The following GANC variants were observed in gnomAD, a reference collection of about 807,000 sequenced individuals.
The protein encoded by GANC is glucosidase alpha, neutral C.
A neutral mutation model predicts 124.2 loss-of-function variants in GANC; 117 were observed. The observed-to-expected ratio is 0.94, with a 90% CI of 0.81 to 1.10. The LOEUF is 1.10. Ranked by LOEUF, GANC falls within the 50% of genes least tolerant of loss-of-function variation. The pLI is 0.00. For synonymous variants in GANC, 377 were observed against 376.8 expected (o/e 1.00, Z -0.01); for missense variants, 1,140 against 1,095.0 (o/e 1.04, Z -0.58).
At chr15:42,320,193 T>A (rs146532509) in intron 10 of GANC, among the ~76,000 whole-genome samples, 923 of 50,274 alleles carry the variant, frequency 0.018, 6 homozygotes, top group Middle Eastern at 0.047. Context: ...AAAAATAAAT[T>A]AATTAATTAA....
intron 6 of GANC, among the ~76,000 whole-genome samples, 180 bp downstream of exon 6, chr15:42,297,836 T>TATTC (rs55989118): frequency 8.6e-4 from 131 of 151,688 alleles, no homozygotes; most frequent in African/African-American, 3.0e-3. Flanking sequence ...TTCATTCATT[T>TATTC]ATTCATTCAT....
chr15:42,280,347 T>G (rs886647482), intron 3 of GANC, among the ~76,000 whole-genome samples: 8 of 152,194 alleles, frequency 5.3e-5, no homozygotes, highest in Admixed American at 3.9e-4. Flanking sequence ...ATATTCTTAT[T>G]TATATATGTT....
chr15:42,302,230 C>T (rs945858896), intron 6 of GANC, among the ~76,000 whole-genome samples: 5 of 152,160 alleles, frequency 3.3e-5, no homozygotes, highest in African/African-American at 4.8e-5. Context: ...AATGGACCTC[C>T]GGCAAACTTC....
chr15:42,273,607 A>C lies in GANC; in HGVS notation c.-875A>C. 4 of 782,180 alleles carry C rather than the reference A, an allele frequency of 5.1e-6. No individual in the cohort carries two copies. The highest frequency in any genetic ancestry group is 7.9e-6 in the Non-Finnish European group (4 of 506,272). 48.5% of individuals were successfully genotyped at this position (782,180 alleles called of 1,614,324 possible). A position where few individuals can be genotyped will look rare whatever the true frequency, so the allele number is the denominator to read the frequency against. ...ACTGCGCAGGCGTCATCCTGTTGGA[A>C]CCTGGTCAGCTGGGTTAGAGAGATC... is the stretch of plus-strand genomic sequence containing the variant. On this transcript the variant is annotated 5_prime_UTR_variant, in exon 1 of 24. Transcript: ENST00000318010.
At chr15:42,325,579 A>G (rs992782815) in intron 11 of GANC, among the ~76,000 whole-genome samples, 3 of 152,146 alleles carry the variant, frequency 2.0e-5, no homozygotes, top group East Asian at 1.9e-4. Flanking sequence ...GTTTGCTTAT[A>G]TCAATGTTAT....
intron 11 of GANC, among the ~76,000 whole-genome samples, chr15:42,324,744 G>C (rs1374395339): frequency 6.6e-6 from 1 of 152,162 alleles, no homozygotes; most frequent in Non-Finnish European, 1.5e-5. Flanking sequence ...AATTGGAGTA[G>C]TCATATTCAT....
At chr15:42,276,034 A>T (rs1240404647) in intron 1 of GANC, among the ~76,000 whole-genome samples, 1 of 152,078 alleles carries the variant, frequency 6.6e-6, no homozygotes. Flanking sequence ...TTCAGATTTT[A>T]CTTTTGTGGT....
intron 3 of GANC, 88 bp downstream of exon 3, chr15:42,278,678 A>G (rs1250932159): frequency 9.0e-6 from 8 of 886,238 alleles, no homozygotes; most frequent in Non-Finnish European, 1.4e-5. Context: ...GTATGCTTCA[A>G]AAATAAACCT....
rs1479492687 is a variant in GANC, at chr15:42,353,666, A to G, written c.*1527A>G. ...TGATTAAAAAATTACGATTGAATGT[A>G]TTTCCATCTGATTTGCTTTTCTGGT... On this transcript the variant is annotated 3_prime_UTR_variant, in exon 24 of 24. Transcript: ENST00000318010. 4.1e-6 allele frequency: 4 copies of G among 985,282 alleles called. No individual in the cohort carries two copies. The highest frequency in any genetic ancestry group is 4.8e-6 in the Non-Finnish European group (4 of 829,792). The allele number at this position is 985,282 out of a possible 1,614,324, so 61.0% of individuals were successfully genotyped here.
chr15:42,287,307 G>T (rs1322061737), intron 3 of GANC, among the ~76,000 whole-genome samples: 2 of 152,124 alleles, frequency 1.3e-5, no homozygotes, highest in African/African-American at 4.8e-5. Context: ...GCTTTTAACA[G>T]GCAAACTCTT....
chr15:42,285,587 G>A (rs772888320), intron 3 of GANC, among the ~76,000 whole-genome samples: 3 of 152,114 alleles, frequency 2.0e-5, no homozygotes, highest in Non-Finnish European at 4.4e-5. Context: ...TGGAGGTCAG[G>A]AGTTTGAGAC....
At chr15:42,298,906 A>G (rs377210219) in intron 6 of GANC, among the ~76,000 whole-genome samples, 1 of 152,266 alleles carries the variant, frequency 6.6e-6, no homozygotes, top group East Asian at 1.9e-4. Context: ...TTGCACATTG[A>G]TTTTGTATCC....
At chr15:42,337,375 T>TTA (rs1284965713) in intron 15 of GANC, among the ~76,000 whole-genome samples, 1 of 152,146 alleles carries the variant, frequency 6.6e-6, no homozygotes, top group East Asian at 1.9e-4. Flanking sequence ...AAATTTATTT[T>TTA]TATATATATG....
chr15:42,316,016 A>G (rs2052098287), intron 10 of GANC, among the ~76,000 whole-genome samples: 1 of 152,022 alleles, frequency 6.6e-6, no homozygotes, highest in African/African-American at 2.4e-5. Context: ...GTATATAAAT[A>G]TATTCAATAT....
At chr15:42,297,007 A>T (rs978116569) in intron 5 of GANC, among the ~76,000 whole-genome samples, 1 of 152,122 alleles carries the variant, frequency 6.6e-6, no homozygotes, top group African/African-American at 2.4e-5. Context: ...GATAAAGTCC[A>T]GCAATGTTAA....
At chr15:42,316,226 C>G (rs1396582030) in intron 10 of GANC, among the ~76,000 whole-genome samples, 1 of 151,992 alleles carries the variant, frequency 6.6e-6, no homozygotes, top group African/African-American at 2.4e-5. Context: ...GGGTGTTGTC[C>G]CTATGTGCGG....
In GANC at chr15:42,299,181, T is replaced by A. The variant is rs1379532835; in HGVS notation, c.558+1525T>A. 2.0e-5 allele frequency among the ~76,000 whole-genome samples: 3 copies of A among 152,334 alleles called. No homozygotes were observed. The East Asian group carries it at 5.8e-4, about 29-fold the overall frequency. ...ATGCTTCTAGCTTTTGCCCATTCAG[T>A]GTGATATTGGCTGTGGGTTCGTCAT... On this transcript the variant is annotated intron_variant, in intron 6 of 23. Transcript: ENST00000318010.
intron 10 of GANC, among the ~76,000 whole-genome samples, chr15:42,318,763 ATT>A (rs1193300448): frequency 2.0e-5 from 3 of 151,942 alleles, no homozygotes; most frequent in African/African-American, 7.3e-5. Context: ...TAATTTTTTC[ATT>A]TTTTATATAG....
rs556846967 is a variant in GANC at position 42,292,471 on chromosome 15, T to C, written c.330-264T>C. 7.2e-5 allele frequency among the ~76,000 whole-genome samples: 11 copies of C among 152,268 alleles called. 1 individual carries two copies. In the South Asian group the frequency reaches 2.3e-3, roughly 32 times the overall value. ...AAAAACTTTGTTGTTGCTTTTGTTA[T>C]TTTCACTTTACAGATAAGGAAACCA... On this transcript the variant is annotated intron_variant, in intron 4 of 23. Coordinates refer to ENST00000318010, the MANE Select transcript of GANC (RefSeq NM_198141.3).
Sources: allele counts gnomAD v4.1 joint callset (sites outside exome capture counted in the v4.1 genomes callset), GRCh38; gene constraint gnomAD v4.1.1; transcripts MANE v1.5; gene names NCBI Gene and HGNC (gene_info 2026-07-23, HGNC 2026-07-21).